The following DOCK4 variants were observed in gnomAD, a reference collection of about 807,000 sequenced individuals.
DOCK4 encodes the protein dedicator of cytokinesis 4.
DOCK4 carries 97 observed loss-of-function variants against 268.1 expected under a neutral mutation model. The ratio of observed to expected loss-of-function variants is 0.36; its 90% CI spans 0.31 to 0.43. DOCK4 has a LOEUF of 0.43. Among genes scored for constraint, DOCK4 ranks in the 20% least tolerant of loss-of-function variants. DOCK4 has a pLI of 1.00. For missense variants in DOCK4, 2,145 were observed against 2,455.7 expected (o/e 0.87, Z 2.67); for synonymous variants, 954 against 887.2 (o/e 1.08, Z -1.34).
chr7:111,883,961 A>T (rs1807633697), intron 16 of DOCK4, among the ~76,000 whole-genome samples: 1 of 152,210 alleles, frequency 6.6e-6, no homozygotes, highest in Non-Finnish European at 1.5e-5. Flanking sequence ...AGATGGGGGT[A>T]GCAGGAGAGA....
At chr7:111,804,789 G>A (rs184444822) in intron 30 of DOCK4, among the ~76,000 whole-genome samples, 2 of 151,874 alleles carry the variant, frequency 1.3e-5, no homozygotes, top group Admixed American at 1.3e-4. Context: ...TAGCAGAGAC[G>A]GGGTTTCGTC....
intron 12 of DOCK4, among the ~76,000 whole-genome samples, chr7:111,927,720 T>C (rs1371596761): frequency 1.3e-5 from 2 of 152,208 alleles, no homozygotes; most frequent in African/African-American, 4.8e-5. Context: ...ATCCATGGGC[T>C]GCAAACCATT....
intron 1 of DOCK4, among the ~76,000 whole-genome samples, chr7:112,022,607 T>G (rs1192415860): frequency 6.6e-6 from 1 of 152,160 alleles, no homozygotes; most frequent in Admixed American, 6.5e-5. Context: ...ATTTGGGTAA[T>G]AACAGTATTT....
intron 23 of DOCK4, among the ~76,000 whole-genome samples, chr7:111,859,624 G>C (rs1805321384): frequency 7.2e-6 from 1 of 138,466 alleles, no homozygotes; most frequent in South Asian, 2.3e-4. Flanking sequence ...CTGGAGTGCA[G>C]TGGCGGGATC....
intron 1 of DOCK4, among the ~76,000 whole-genome samples, chr7:112,185,446 G>T (rs1819419470): frequency 6.6e-6 from 1 of 152,082 alleles, no homozygotes; most frequent in Non-Finnish European, 1.5e-5. Flanking sequence ...AGAGTTAAAA[G>T]GATCAAACAG....
At chr7:111,803,329 T>G (rs2133869015) in intron 30 of DOCK4, among the ~76,000 whole-genome samples, 1 of 152,382 alleles carries the variant, frequency 6.6e-6, no homozygotes, top group South Asian at 2.1e-4. Context: ...AATTTTGAGC[T>G]ATGTATGGCA....
chr7:111,762,839 C>A (rs1797539065), intron 39 of DOCK4, among the ~76,000 whole-genome samples: 1 of 131,274 alleles, frequency 7.6e-6, no homozygotes, highest in African/African-American at 2.9e-5. Context: ...TCAATCACAG[C>A]TTACTGAAGC....
chr7:112,009,375 G>C (rs574623778), intron 1 of DOCK4, among the ~76,000 whole-genome samples: 1 of 152,316 alleles, frequency 6.6e-6, no homozygotes, highest in Non-Finnish European at 1.5e-5. Context: ...CTCTTCTCAA[G>C]TTCTGAGGCT....
At chr7:111,755,445 G>T in intron 42 of DOCK4, 70 bp downstream of exon 42, 1 of 1,449,588 alleles carries the variant, frequency 6.9e-7, no homozygotes, top group South Asian at 1.2e-5. Flanking sequence ...GAGAAGTAAT[G>T]AATATACGGC....
intron 23 of DOCK4, 43 bp from the exon 24 acceptor site, chr7:111,847,169 C>G: frequency 6.2e-7 from 1 of 1,610,094 alleles, no homozygotes; most frequent in Middle Eastern, 1.7e-4. Context: ...GTTGGAGTCC[C>G]ACGCAATACC....
chr7:111,983,862 GCACACACACA>G (rs1554402961), intron 7 of DOCK4, among the ~76,000 whole-genome samples: 2 of 138,562 alleles, frequency 1.4e-5, no homozygotes, highest in Non-Finnish European at 3.1e-5. Flanking sequence ...GCGCGCGCGC[GCACACACACA>G]CACACACACA....
chr7:112,106,172 T>C (rs1047809917), intron 1 of DOCK4, among the ~76,000 whole-genome samples: 5 of 152,222 alleles, frequency 3.3e-5, no homozygotes, highest in African/African-American at 1.2e-4. Context: ...CAGATACGAA[T>C]AAATACAAGT....
At chr7:112,124,616 G>A (rs1006842534) in intron 1 of DOCK4, among the ~76,000 whole-genome samples, 6 of 152,156 alleles carry the variant, frequency 3.9e-5, no homozygotes, top group Non-Finnish European at 5.9e-5. Flanking sequence ...GCCATGTGAC[G>A]TGAAATATCA....
chr7:112,176,173 G>C (rs1818490334), intron 1 of DOCK4, among the ~76,000 whole-genome samples: 1 of 152,178 alleles, frequency 6.6e-6, no homozygotes, highest in South Asian at 2.1e-4. Context: ...ACTAAGAACA[G>C]GGGTGTGTGG....
intron 28 of DOCK4, among the ~76,000 whole-genome samples, chr7:111,809,835 G>C (rs1029310902): frequency 2.0e-5 from 3 of 152,152 alleles, no homozygotes; most frequent in African/African-American, 7.2e-5. Context: ...CGTAGAACTT[G>C]TAAAAAATGC....
rs78846743 is a variant in DOCK4, at chr7:112,187,394, G to A, written c.37+18708C>T. 6.9e-3 allele frequency among the ~76,000 whole-genome samples: 1,045 copies of A among 152,220 alleles called. 20 individuals carry two copies. The highest frequency in any genetic ancestry group is 0.022 in the African/African-American group (928 of 41,534). ...CGAATAATTTCAAATGTCTTTGTCT[G>A]TGCAACAGCCACATTTCCTTCTCTT... On this transcript the variant is annotated intron_variant, in intron 1 of 52. Coordinates refer to ENST00000428084, the MANE Select transcript of DOCK4 (RefSeq NM_001363540.2).
chr7:112,200,814 A>C (rs1335484500), intron 1 of DOCK4, among the ~76,000 whole-genome samples: 2 of 150,960 alleles, frequency 1.3e-5, no homozygotes, highest in Non-Finnish European at 3.0e-5. Context: ...ACTGTCACTT[A>C]GGGGAATGAC....
chr7:111,917,479 C>T (rs1312868986), intron 12 of DOCK4, among the ~76,000 whole-genome samples: 3 of 151,592 alleles, frequency 2.0e-5, no homozygotes, highest in Non-Finnish European at 2.9e-5. Flanking sequence ...TTTGGGAGGT[C>T]GAGGCAGGCG....
At chr7:112,071,646 C>T (rs1807592623) in intron 1 of DOCK4, among the ~76,000 whole-genome samples, 1 of 152,218 alleles carries the variant, frequency 6.6e-6, no homozygotes, top group Non-Finnish European at 1.5e-5. Context: ...AGTCTTCAAT[C>T]TTCTGAAAGA....
Sources: gnomAD v4.1 joint callset for allele counts (sites outside exome capture counted in the v4.1 genomes callset) on GRCh38, gnomAD v4.1.1 for gene constraint, MANE v1.5 for transcripts, NCBI Gene and HGNC (gene_info 2026-07-23, HGNC 2026-07-21) for gene names.